PCF11: variants seen among roughly 807,000 people sequenced by gnomAD.
PCF11 encodes PCF11 cleavage and polyadenylation factor subunit.
PCF11 carries 19 observed loss-of-function variants against 166.1 expected under a neutral mutation model. The observed-to-expected ratio is 0.11, with a 90% confidence interval of 0.08 to 0.17. The LOEUF (loss-of-function observed/expected upper bound fraction) is 0.17. Ranked by LOEUF, PCF11 falls within the 10% of genes least tolerant of loss-of-function variation. The pLI, the probability that PCF11 is intolerant of heterozygous loss-of-function variation, is 1.00. For synonymous variants in PCF11, 663 were observed against 644.1 expected (o/e 1.03, Z -0.44); for missense variants, 1,565 against 1,855.5 (o/e 0.84, Z 2.88).
chr11:83,184,847 A>G, exon 16 of PCF11: 1 of 1,580,976 alleles, frequency 6.3e-7, no homozygotes, highest in Non-Finnish European at 8.5e-7. Flanking sequence ...AAGCATAGCA[A>G]CACCCTCTGA....
At chr11:83,166,604 T>A in exon 5 of PCF11, 1 of 1,613,768 alleles carries the variant, frequency 6.2e-7, no homozygotes, top group Non-Finnish European at 8.5e-7. Context: ...CACAAGAAAC[T>A]ACAAATCAGC....
At chr11:83,157,888 C>G (rs1210414447) in intron 1 of PCF11, 1 of 519,276 alleles carries the variant, frequency 1.9e-6, no homozygotes, top group Non-Finnish European at 3.5e-6. Flanking sequence ...ATTGTATATC[C>G]CGACACACAC....
chr11:83,157,414 G>C (rs768698231), exon 1 of PCF11: 1 of 1,597,910 alleles, frequency 6.3e-7, no homozygotes, highest in African/African-American at 1.3e-5. Flanking sequence ...CAGCTGCAGC[G>C]GACCTCGGAG....
intron 2 of PCF11, among the ~76,000 whole-genome samples, chr11:83,162,419 A>G (rs1260904043): frequency 3.9e-5 from 6 of 152,260 alleles, no homozygotes; most frequent in Non-Finnish European, 8.8e-5. Context: ...GAAAAACAGT[A>G]TATGCAGAAG....
chr11:83,175,194 G>A (rs1451973698), intron 9 of PCF11, among the ~76,000 whole-genome samples: 1 of 152,136 alleles, frequency 6.6e-6, no homozygotes, highest in African/African-American at 2.4e-5. Flanking sequence ...GGAGTACAGT[G>A]GGGTGATCTT....
rs576646852 is a variant in PCF11, at chr11:83,179,367, A to G, written c.3983+1548A>G. Among the ~76,000 whole-genome samples, 3 of 151,762 alleles carry G rather than the reference A, an allele frequency of 2.0e-5. No homozygotes were observed. In the East Asian group the frequency reaches 5.8e-4, roughly 30 times the overall value. The stretch of plus-strand genomic sequence containing the variant: ...CAGGTTCAAGTGATTCTCCTGCCGC[A>G]GCCTCCTGAGTAGCTAAGATTATAG... On this transcript the variant is annotated intron_variant, in intron 11 of 15. Transcript: ENST00000298281.
At chr11:83,175,316 A>G (rs1860837724) in intron 9 of PCF11, among the ~76,000 whole-genome samples, 1 of 152,074 alleles carries the variant, frequency 6.6e-6, no homozygotes, top group African/African-American at 2.4e-5. Context: ...ATTTTTTAGT[A>G]GAGACGGGGT....
rs934576103 is a variant in PCF11 at position 83,168,621 on chromosome 11, A to C, written c.2286A>C (p.Arg762Ser). The change falls in exon 8 of 16, where the codon AGA becomes AGC. Residue 762 changes from arginine (R) to serine (S), a missense_variant. By Grantham distance (110) the Arg-to-Ser change is moderately radical. This residue lies in a region of PCF11 where 725 missense variants were observed against 749.3 expected (regional missense o/e 0.97). Coordinates refer to ENST00000298281, the Ensembl canonical transcript of PCF11. ...GACCTAGTAGGCCATCAGTAGCAAGAGATGGCCCAACGAAGATGATTTTTG... is the reference window on the plus strand; with the variant it reads ...GACCTAGTAGGCCATCAGTAGCAAGCGATGGCCCAACGAAGATGATTTTTG... The C allele has an allele frequency of 2.5e-6, 4 of 1,613,916 alleles. No individual in the cohort carries two copies. The East Asian group carries it at 8.9e-5, about 36-fold the overall frequency.
At chr11:83,183,196 T>C in intron 15 of PCF11, 123 bp downstream of exon 15, 1 of 570,380 alleles carries the variant, frequency 1.8e-6, no homozygotes. Context: ...TGTTTTTGTT[T>C]TTTGATATAG....
At chr11:83,176,410 A>G (rs1413106238) in intron 9 of PCF11, among the ~76,000 whole-genome samples, 1 of 152,210 alleles carries the variant, frequency 6.6e-6, no homozygotes, top group Non-Finnish European at 1.5e-5. Flanking sequence ...GGCACTATTC[A>G]CAATAGCAAA....
rs577432721 is a variant in PCF11, at chr11:83,165,160, C to T, written c.703-440C>T. ...ATTTTGCTTAGCATCTGAGCTTATTCGACAGTGAGGTGCAGGAAGGCAGAA... is the reference window on the plus strand; with the variant it reads ...ATTTTGCTTAGCATCTGAGCTTATTTGACAGTGAGGTGCAGGAAGGCAGAA... On this transcript the variant is annotated intron_variant, in intron 4 of 15. Transcript: ENST00000298281. 8.5e-5 allele frequency among the ~76,000 whole-genome samples: 13 copies of T among 152,210 alleles called. 1 individual carries two copies. The South Asian group carries it at 2.3e-3, about 27-fold the overall frequency.
chr11:83,173,723 T>TC (rs1860776011), intron 9 of PCF11, among the ~76,000 whole-genome samples: 1 of 87,682 alleles, frequency 1.1e-5, no homozygotes, highest in African/African-American at 7.3e-5. Flanking sequence ...TTCTTTCTTT[T>TC]TTTTTTTTTT....
chr11:83,172,541 G>A (rs11233503), intron 9 of PCF11, among the ~76,000 whole-genome samples: 14,464 of 152,078 alleles, frequency 0.095, 797 homozygotes, highest in Middle Eastern at 0.21. Flanking sequence ...TCCTGTCTCA[G>A]CCTCCCAAGT....
At chr11:83,185,163 CT>C (rs1211022178) in exon 16 of PCF11, 3 of 281,084 alleles carry the variant, frequency 1.1e-5, no homozygotes, top group East Asian at 7.1e-5. Context: ...CGATTTTTCA[CT>C]GTGCAACTGT....
intron 9 of PCF11, among the ~76,000 whole-genome samples, chr11:83,175,770 CAAAA>C: frequency 6.6e-6 from 1 of 151,942 alleles, no homozygotes. Flanking sequence ...AAAACAAAAA[CAAAA>C]AAAGAATCAC....
At chr11:83,165,452 C>A in intron 4 of PCF11, 148 bp from the exon 5 acceptor site, 3 of 543,576 alleles carry the variant, frequency 5.5e-6, no homozygotes. Context: ...ATTGTAATCT[C>A]AATTTATACA....
exon 16 of PCF11, chr11:83,185,943 G>A (rs1217865128): frequency 6.6e-6 from 1 of 152,448 alleles, no homozygotes; most frequent in African/African-American, 2.4e-5. Context: ...ATTGGAGATA[G>A]GCATATAAAA....
chr11:83,184,924 T>C, exon 16 of PCF11: 1 of 1,437,734 alleles, frequency 7.0e-7, no homozygotes, highest in Non-Finnish European at 9.3e-7. Flanking sequence ...TTTTTCTTTT[T>C]TAAAAAAGCT....
exon 4 of PCF11, chr11:83,164,320 G>A: frequency 6.2e-7 from 1 of 1,613,670 alleles, no homozygotes; most frequent in African/African-American, 1.3e-5. Flanking sequence ...TAAGGCAGCA[G>A]TTACTGGCAA....
Sources: gnomAD v4.1 joint callset for allele counts (sites outside exome capture counted in the v4.1 genomes callset) on GRCh38, gnomAD v4.1.1 for gene constraint, gnomAD v4.1.1 regional missense constraint, MANE v1.5 for transcripts, NCBI Gene and HGNC (gene_info 2026-07-23, HGNC 2026-07-21) for gene names.